The following AAMDC variants were observed in gnomAD, a reference collection of about 807,000 sequenced individuals.
AAMDC encodes mth938 domain-containing protein.
In AAMDC, 16 loss-of-function variants were observed where a neutral mutation model predicts 15.5. The observed-to-expected ratio is 1.03, with a 90% CI of 0.70 to 1.57. AAMDC has a LOEUF of 1.57. AAMDC is among the 40% of genes most tolerant of loss of function. The pLI is 0.00. For synonymous variants in AAMDC, 51 were observed against 51.6 expected (o/e 0.99, Z 0.05); for missense variants, 141 against 144.9 (o/e 0.97, Z 0.14).
At chr11:77,852,629 C>T (rs1490238720) in intron 2 of AAMDC, among the ~76,000 whole-genome samples, 1 of 152,176 alleles carries the variant, frequency 6.6e-6, no homozygotes, top group African/African-American at 2.4e-5. Context: ...TCTTATTCAC[C>T]TCCCTATCTC....
intron 1 of AAMDC, among the ~76,000 whole-genome samples, chr11:77,840,455 G>A (rs111411350): frequency 0.017 from 2,525 of 152,292 alleles, 22 homozygotes; most frequent in African/African-American, 0.02. Context: ...CTTGAACCCC[G>A]GAGGTGGAGG....
At chr11:77,895,971 C>A (rs1312393963) in intron 5 of AAMDC, among the ~76,000 whole-genome samples, 1 of 152,120 alleles carries the variant, frequency 6.6e-6, no homozygotes, top group Non-Finnish European at 1.5e-5. Context: ...TTAAACTAGT[C>A]TAGACTTTCA....
intron 3 of AAMDC, among the ~76,000 whole-genome samples, chr11:77,870,320 T>A (rs1292766938): frequency 1.4e-5 from 2 of 148,120 alleles, no homozygotes; most frequent in Admixed American, 6.7e-5. Context: ...ACGTCTGGCC[T>A]ATTTTTTAAT....
chr11:77,904,405 A>T (rs762452533), downstream of AAMDC, among the ~76,000 whole-genome samples: 34 of 152,350 alleles, frequency 2.2e-4, no homozygotes, highest in African/African-American at 4.8e-4. Flanking sequence ...TTAATTTTTT[A>T]AAAAAGTTTA....
intron 2 of AAMDC, among the ~76,000 whole-genome samples, chr11:77,846,165 G>A (rs1429713473): frequency 6.6e-6 from 1 of 152,016 alleles, no homozygotes; most frequent in Admixed American, 6.6e-5. Flanking sequence ...TGGCTTCTGA[G>A]GTCTGCTAAT....
chr11:77,851,216 G>C (rs1158300762), intron 2 of AAMDC: 2 of 152,186 alleles, frequency 1.3e-5, no homozygotes, highest in African/African-American at 4.8e-5. Flanking sequence ...GCCTCCCAAA[G>C]TGCTGGGATT....
chr11:77,853,124 T>C (rs1950470480), intron 2 of AAMDC, among the ~76,000 whole-genome samples: 1 of 152,248 alleles, frequency 6.6e-6, no homozygotes, highest in South Asian at 2.1e-4. Context: ...ATTCCCCTTT[T>C]TGGGGGTTGT....
At chr11:77,828,425 T>C (rs1168536127) in intron 1 of AAMDC, among the ~76,000 whole-genome samples, 1 of 152,028 alleles carries the variant, frequency 6.6e-6, no homozygotes, top group African/African-American at 2.4e-5. Context: ...CCCAGTACTT[T>C]GGGAGGCCGA....
intron 5 of AAMDC, among the ~76,000 whole-genome samples, chr11:77,882,508 C>T (rs1951832683): frequency 6.6e-6 from 1 of 152,182 alleles, no homozygotes; most frequent in Non-Finnish European, 1.5e-5. Context: ...TTTCCTTCCC[C>T]ATGTCCGGGA....
At chr11:77,880,363 C>T (rs1951744970) in intron 5 of AAMDC, among the ~76,000 whole-genome samples, 2 of 152,102 alleles carry the variant, frequency 1.3e-5, no homozygotes, top group African/African-American at 4.8e-5. Context: ...GCAGTCAGCC[C>T]AAGGCCAGAG....
chr11:77,891,744 C>T, intron 5 of AAMDC: 1 of 1,611,956 alleles, frequency 6.2e-7, no homozygotes, highest in Non-Finnish European at 8.5e-7. Context: ...GAATTTTGAC[C>T]ACTTCTGCAG....
downstream of AAMDC, among the ~76,000 whole-genome samples, chr11:77,902,154 G>A (rs17752280): frequency 0.062 from 9,394 of 152,166 alleles, 408 homozygotes; most frequent in South Asian, 0.12. Context: ...CTAGGGTCAC[G>A]GAAATGACTC....
At position 77,872,269 on chromosome 11, in the gene AAMDC, T is replaced by C; in HGVS notation, c.323T>C (p.Val108Ala). Reference sequence around the variant, plus strand: ...GCAGTGAAGGAGTATAATGCCTTGGTTGCCCAAGGGGTCAGGGTGGGAGGT... The same window carrying C: ...GCAGTGAAGGAGTATAATGCCTTGGCTGCCCAAGGGGTCAGGGTGGGAGGT... Reference protein sequence around the residue: ...EQAVKEYNALVAQGVRVGGVF... With the variant: ...EQAVKEYNALAAQGVRVGGVF... The change falls in exon 4 of 4, where the codon GTT becomes GCT. Residue 108 changes from valine (V) to alanine (A), a missense_variant. Transcript: ENST00000393427. 1.2e-6 allele frequency: 2 copies of C among 1,613,620 alleles called. No individual in the cohort carries two copies. The highest frequency in any genetic ancestry group is 1.7e-6 in the Non-Finnish European group (2 of 1,179,760).
chr11:77,856,936 A>C (rs894661467), intron 2 of AAMDC, among the ~76,000 whole-genome samples: 13 of 152,226 alleles, frequency 8.5e-5, no homozygotes, highest in Non-Finnish European at 1.6e-4. Flanking sequence ...GCTCCCAAGA[A>C]TGAAAGGACA....
At chr11:77,840,285 T>G (rs1038329828) in intron 1 of AAMDC, among the ~76,000 whole-genome samples, 26 of 152,146 alleles carry the variant, frequency 1.7e-4, no homozygotes, top group African/African-American at 5.8e-4. Context: ...TCCCAGCACT[T>G]TGGGAGGCCA....
chr11:77,891,922 C>T, intron 5 of AAMDC: 1 of 1,587,544 alleles, frequency 6.3e-7, no homozygotes. Flanking sequence ...CCTATCAAAC[C>T]CTGAAGTAGG....
intron 2 of AAMDC, among the ~76,000 whole-genome samples, chr11:77,849,350 T>C (rs1418839928): frequency 2.0e-5 from 3 of 152,126 alleles, no homozygotes; most frequent in Non-Finnish European, 4.4e-5. Flanking sequence ...GCCTCCTGAG[T>C]AGCTGGGATT....
chr11:77,890,348 C>A (rs1952208675), intron 5 of AAMDC, among the ~76,000 whole-genome samples: 1 of 152,152 alleles, frequency 6.6e-6, no homozygotes, highest in Non-Finnish European at 1.5e-5. Flanking sequence ...GTCTTCTCTG[C>A]CTGTTCCAGC....
intron 2 of AAMDC, among the ~76,000 whole-genome samples, chr11:77,854,057 C>G (rs2136208897): frequency 6.9e-6 from 1 of 145,852 alleles, no homozygotes; most frequent in Middle Eastern, 4.1e-3. Context: ...GTGGTGCCAT[C>G]TTGGCTCACT....
Sources: gnomAD v4.1 joint callset for allele counts (sites outside exome capture counted in the v4.1 genomes callset) on GRCh38, gnomAD v4.1.1 for gene constraint, MANE v1.5 for transcripts, NCBI Gene and HGNC (gene_info 2026-07-23, HGNC 2026-07-21) for gene names.